ATP2C2: variants seen among roughly 807,000 people sequenced by gnomAD.
ATP2C2 encodes calcium-transporting ATPase type 2C member 2.
ATP2C2 carries 171 observed loss-of-function variants against 110.8 expected under a neutral mutation model. The observed-to-expected ratio is 1.54, with a 90% CI of 1.36 to 1.75. ATP2C2 has a LOEUF of 1.75. Ranked by LOEUF, ATP2C2 falls within the 40% of genes most tolerant of loss-of-function variation. The pLI is 0.00. For missense variants in ATP2C2, 1,963 were observed against 1,235.0 expected (o/e 1.59, Z -8.84); for synonymous variants, 804 against 508.4 (o/e 1.58, Z -7.82).
intron 11 of ATP2C2, among the ~76,000 whole-genome samples, chr16:84,430,684 G>A (rs1309020846): frequency 6.7e-6 from 1 of 150,292 alleles, no homozygotes; most frequent in Non-Finnish European, 1.5e-5. Context: ...TCAAGGAATT[G>A]AAGAGGGAGG....
At chr16:84,379,631 C>T (rs1910459452) in intron 1 of ATP2C2, among the ~76,000 whole-genome samples, 1 of 152,180 alleles carries the variant, frequency 6.6e-6, no homozygotes, top group Non-Finnish European at 1.5e-5. Flanking sequence ...GCAAGCCTCG[C>T]CGGGGGGTTC....
intron 2 of ATP2C2, among the ~76,000 whole-genome samples, chr16:84,398,864 T>C (rs1567695634): frequency 6.6e-6 from 1 of 152,206 alleles, no homozygotes; most frequent in Non-Finnish European, 1.5e-5. Flanking sequence ...GCTGCTTCTC[T>C]TCAGCCTCAC....
intron 2 of ATP2C2, among the ~76,000 whole-genome samples, chr16:84,399,643 G>A (rs1297539579): frequency 6.6e-6 from 1 of 152,008 alleles, no homozygotes; most frequent in African/African-American, 2.4e-5. Context: ...ATTTTTGTGG[G>A]TACATAGTAG....
rs548987298 is a variant in ATP2C2, at chr16:84,454,593, G to C, written c.1981-225G>C. On this transcript the variant is annotated intron_variant, in intron 20 of 26. Coordinates refer to ENST00000262429, the MANE Select transcript of ATP2C2 (RefSeq NM_014861.4). ...TCATCTCAGTTTGGGCCTCACAACA[G>C]CCCTGGGAAGAAGAAACTGTTGCTC... Among the ~76,000 whole-genome samples, 9 of 152,294 alleles carry C rather than the reference G, an allele frequency of 5.9e-5. 1 individual carries two copies. The highest frequency in any genetic ancestry group is 2.2e-4 in the African/African-American group (9 of 41,572).
intron 1 of ATP2C2, among the ~76,000 whole-genome samples, chr16:84,387,930 T>TTG (rs891990061): frequency 6.6e-6 from 1 of 150,668 alleles, no homozygotes; most frequent in Non-Finnish European, 1.5e-5. Context: ...ATGCCTATTT[T>TTG]TTTTTTTTTA....
intron 11 of ATP2C2, among the ~76,000 whole-genome samples, chr16:84,426,952 GA>G (rs1221769446): frequency 6.6e-6 from 1 of 152,184 alleles, no homozygotes; most frequent in African/African-American, 2.4e-5. Context: ...GCAGCGGTTT[GA>G]CTTTGTCAGT....
At chr16:84,430,284 C>T (rs1908150522) in intron 11 of ATP2C2, among the ~76,000 whole-genome samples, 1 of 152,178 alleles carries the variant, frequency 6.6e-6, no homozygotes, top group South Asian at 2.1e-4. Flanking sequence ...TGAGCCAGGG[C>T]TGGGAAGACC....
intron 1 of ATP2C2, among the ~76,000 whole-genome samples, chr16:84,371,402 A>G (rs552126389): frequency 7.9e-5 from 12 of 152,252 alleles, no homozygotes; most frequent in African/African-American, 2.9e-4. Flanking sequence ...CTACTCACCA[A>G]GCTGAAGCAG....
Position 84,429,015 on chromosome 16 carries a change from A to G in ATP2C2, c.986+3214A>G, listed in dbSNP as rs8053974. ...GTTTGTTTTACTAATGGCCCTGCGA[A>G]AGGGCATCTTAGGCTCTGGATAATG... On this transcript the variant is annotated intron_variant, in intron 11 of 26. Transcript: ENST00000262429. Among the ~76,000 whole-genome samples, 525 of 152,290 alleles carry G rather than the reference A, an allele frequency of 3.4e-3. 7 individuals are homozygous for G. Among genetic ancestry groups the G allele is most frequent in the African/African-American group, 0.012 (494 of 41,556 alleles).
intron 13 of ATP2C2, among the ~76,000 whole-genome samples, chr16:84,439,995 G>A (rs753794161): frequency 1.9e-4 from 29 of 152,254 alleles, no homozygotes; most frequent in Middle Eastern, 3.4e-3. Flanking sequence ...CTAATACGCC[G>A]AGCTTATTTT....
chr16:84,423,730 T>C (rs1252639779), intron 10 of ATP2C2, among the ~76,000 whole-genome samples: 2 of 152,232 alleles, frequency 1.3e-5, no homozygotes, highest in Non-Finnish European at 2.9e-5. Context: ...ATCATCAATT[T>C]GACCATCTTT....
At chr16:84,435,954 C>A (rs987058955) in intron 11 of ATP2C2, among the ~76,000 whole-genome samples, 4 of 152,170 alleles carry the variant, frequency 2.6e-5, no homozygotes, top group Middle Eastern at 3.2e-3. Flanking sequence ...CATGGTGAAA[C>A]CTCATCTCTA....
chr16:84,426,798 G>A (rs931352439), intron 11 of ATP2C2, among the ~76,000 whole-genome samples: 2 of 152,210 alleles, frequency 1.3e-5, no homozygotes, highest in African/African-American at 4.8e-5. Context: ...GCCACACGCG[G>A]ACAGCAGGGC....
chr16:84,437,925 C>T (rs559847182), intron 11 of ATP2C2, among the ~76,000 whole-genome samples: 17 of 152,350 alleles, frequency 1.1e-4, no homozygotes, highest in South Asian at 1.0e-3. Context: ...ATCTTTCTTT[C>T]TTGTGTAGAT....
chr16:84,425,628 C>T, intron 10 of ATP2C2, 107 bp from the exon 11 acceptor site: 1 of 1,246,348 alleles, frequency 8.0e-7, no homozygotes, highest in Admixed American at 1.7e-5. Flanking sequence ...AGGCGTTCCT[C>T]TGTGCATGCA....
At chr16:84,376,750 G>A (rs1277345967) in intron 1 of ATP2C2, among the ~76,000 whole-genome samples, 1 of 152,138 alleles carries the variant, frequency 6.6e-6, no homozygotes. Flanking sequence ...ATCCCATGGG[G>A]CTAAATTTCC....
intron 2 of ATP2C2, among the ~76,000 whole-genome samples, chr16:84,402,053 A>G (rs1905360575): frequency 6.6e-6 from 1 of 151,704 alleles, no homozygotes; most frequent in Admixed American, 6.6e-5. Flanking sequence ...TACTTCTTTA[A>G]GTTAATTCCT....
intron 14 of ATP2C2, 56 bp downstream of exon 14, chr16:84,441,014 C>G (rs939459368): frequency 1.2e-5 from 16 of 1,389,522 alleles, no homozygotes; most frequent in Non-Finnish European, 1.0e-5. Flanking sequence ...GCTTCTGGGG[C>G]TCCTCTCTGA....
Position 84,425,745 on chromosome 16 carries a change from G to A in ATP2C2, c.930G>A (p.Met310Ile). Residue 310 changes from methionine to isoleucine, a missense_variant, in exon 11 of 27, where the codon ATG becomes ATA. Met to Ile is a conservative substitution (Grantham distance 10, BLOSUM62 1). Coordinates refer to ENST00000262429, the MANE Select transcript of ATP2C2 (RefSeq NM_014861.4). ...LFSFGIIGLI[M>I]LIGWSQGKQL... ...TTGTCTCTTCCCCAGGTCTCATCAT[G>A]CTCATTGGCTGGTCGCAAGGGAAAC... 3 of 1,614,116 alleles carry A rather than the reference G, an allele frequency of 1.9e-6. No homozygotes were observed. Among genetic ancestry groups the A allele is most frequent in the Non-Finnish European group, 2.5e-6 (3 of 1,180,014 alleles).
Sources: gnomAD v4.1 joint callset for allele counts (sites outside exome capture counted in the v4.1 genomes callset) on GRCh38, gnomAD v4.1.1 for gene constraint, MANE v1.5 for transcripts, NCBI Gene and HGNC (gene_info 2026-07-23, HGNC 2026-07-21) for gene names.